The following DYNLL1 variants were observed in gnomAD, a reference collection of about 807,000 sequenced individuals.
DYNLL1 encodes dynein light chain LC8-type 1.
In DYNLL1, 3 loss-of-function variants were observed where a neutral mutation model predicts 10.1. That is an observed-to-expected ratio of 0.30 (90% confidence interval 0.14 to 0.77). The LOEUF (loss-of-function observed/expected upper bound fraction) is 0.77, where lower values mean the gene tolerates loss of function less well. Ranked by LOEUF, DYNLL1 falls within the 30% of genes least tolerant of loss-of-function variation. DYNLL1 has a pLI of 0.66. For missense variants in DYNLL1, 47 were observed against 111.7 expected (o/e 0.42, Z 2.61); for synonymous variants, 46 against 41.2 (o/e 1.12, Z -0.45).
At chr12:120,496,083 T>C (rs1868373114), upstream of DYNLL1, 1 of 414,034 alleles carries the variant, frequency 2.4e-6, no homozygotes, top group South Asian at 2.6e-5. Context: ...GCCTGAGCAC[T>C]AGGCGGCGGC....
upstream of DYNLL1, among the ~76,000 whole-genome samples, chr12:120,494,299 T>TA (rs1446376917): frequency 6.6e-6 from 1 of 151,688 alleles, no homozygotes; most frequent in Non-Finnish European, 1.5e-5. Flanking sequence ...CCTTTTTTTT[T>TA]TTTTTGAGAC....
At chr12:120,485,505 C>T (rs768905205) in intron 1 of DYNLL1, among the ~76,000 whole-genome samples, 62 of 151,546 alleles carry the variant, frequency 4.1e-4, no homozygotes, top group Non-Finnish European at 7.4e-4. Flanking sequence ...CCACCTGCCT[C>T]GGCCTCCCAA....
At chr12:120,480,949 T>G (rs907279907) in intron 1 of DYNLL1, among the ~76,000 whole-genome samples, 1 of 151,926 alleles carries the variant, frequency 6.6e-6, no homozygotes, top group South Asian at 2.1e-4. Context: ...TTAGTAGACA[T>G]GGGGTTTCAC....
At chr12:120,488,366 G>C (rs1031293935) in intron 1 of DYNLL1, among the ~76,000 whole-genome samples, 2 of 152,046 alleles carry the variant, frequency 1.3e-5, no homozygotes, top group East Asian at 3.9e-4. Context: ...CCTCTAATGT[G>C]ACTCCTGGAA....
intron 1 of DYNLL1, among the ~76,000 whole-genome samples, chr12:120,483,067 C>A (rs963846788): frequency 6.6e-6 from 1 of 151,940 alleles, no homozygotes; most frequent in African/African-American, 2.4e-5. Flanking sequence ...AGGCCAGGCA[C>A]GGTGGCTTAC....
chr12:120,485,452 T>C (rs1878972931), intron 1 of DYNLL1, among the ~76,000 whole-genome samples: 1 of 151,104 alleles, frequency 6.6e-6, no homozygotes, highest in Admixed American at 6.6e-5. Context: ...GACAGGGTTT[T>C]AACATCTTGG....
intron 1 of DYNLL1, among the ~76,000 whole-genome samples, chr12:120,484,419 G>A (rs567340974): frequency 3.3e-4 from 50 of 152,206 alleles, no homozygotes; most frequent in African/African-American, 1.1e-3. Context: ...TTTATATATC[G>A]TGACAGGGAA....
At chr12:120,477,704 G>GTTGGAGGC (rs1223428161) in intron 1 of DYNLL1, among the ~76,000 whole-genome samples, 4 of 152,132 alleles carry the variant, frequency 2.6e-5, no homozygotes, top group Admixed American at 6.5e-5. Flanking sequence ...GAGGCCAGGA[G>GTTGGAGGC]TTGGAGGCTG....
At position 120,487,119 on chromosome 12, in the gene DYNLL1, C is replaced by T. The variant is rs534141579; in HGVS notation, c.-6-9297C>T. Among the ~76,000 whole-genome samples, 280 of 151,156 alleles carry T rather than the reference C, an allele frequency of 1.9e-3. 1 individual carries two copies. Among genetic ancestry groups the T allele is most frequent in the Non-Finnish European group, 2.9e-3 (196 of 67,742 alleles). ...CCTCCCTAGTAGCTGGGACTACAGG[C>T]GCCCGCCACCACACCCGGCTAATTT... On this transcript the variant is annotated intron_variant, in intron 1 of 2. Coordinates refer to the DYNLL1 transcript ENST00000392509.
intron 1 of DYNLL1, among the ~76,000 whole-genome samples, chr12:120,470,546 A>C (rs1878624171): frequency 6.6e-6 from 1 of 152,096 alleles, no homozygotes; most frequent in Non-Finnish European, 1.5e-5. Context: ...GGCTCACTGC[A>C]GTCTCGATCT....
At chr12:120,474,446 A>T (rs1878713732) in intron 1 of DYNLL1, among the ~76,000 whole-genome samples, 1 of 151,876 alleles carries the variant, frequency 6.6e-6, no homozygotes, top group Non-Finnish European at 1.5e-5. Flanking sequence ...ACAACATAAA[A>T]AAAAAAAAAA....
upstream of DYNLL1, among the ~76,000 whole-genome samples, chr12:120,494,521 C>A (rs1879218284): frequency 6.6e-6 from 1 of 152,086 alleles, no homozygotes; most frequent in Non-Finnish European, 1.5e-5. Flanking sequence ...GGTCATCCAC[C>A]CGCCTCGGCC....
intron 1 of DYNLL1, among the ~76,000 whole-genome samples, chr12:120,481,927 C>T (rs563932711): frequency 8.1e-4 from 123 of 152,344 alleles, no homozygotes; most frequent in African/African-American, 2.8e-3. Context: ...TAGCCCACGG[C>T]AGCCTCGACC....
intron 2 of DYNLL1, chr12:120,497,022 G>T (rs1868456212): frequency 1.2e-5 from 3 of 244,954 alleles, no homozygotes; most frequent in Admixed American, 9.9e-5. Context: ...AAGCCGGCAG[G>T]ACTGCCAACT....
At chr12:120,488,240 C>T (rs1330643817) in intron 1 of DYNLL1, 1 of 152,396 alleles carries the variant, frequency 6.6e-6, no homozygotes, top group African/African-American at 2.4e-5. Context: ...AACAGCTTCT[C>T]TGGAGCCAAG....
rs781111619 is a variant in DYNLL1, at chr12:120,496,495, C to A, written c.74C>A (p.Ala25Asp). The A allele has an allele frequency of 2.5e-6, 4 of 1,613,720 alleles. No homozygotes were observed. ...EEMQQDSVEC[A>D]TQALEKYNIE... ...ATGCAACAGGACTCGGTGGAGTGCG[C>A]TACTCAGGCGCTGGAGAAATACAAC... The change falls in exon 2 of 3, where the codon GCT (alanine) becomes GAT (aspartate). Residue 25 changes from alanine (A) to aspartate (D), a missense_variant. Coordinates refer to ENST00000242577, the MANE Select transcript of DYNLL1 (RefSeq NM_003746.3).
chr12:120,496,648 A>G (rs1283702120), intron 2 of DYNLL1, 95 bp downstream of exon 2: 1 of 1,607,038 alleles, frequency 6.2e-7, no homozygotes, highest in Non-Finnish European at 8.5e-7. Flanking sequence ...GGTCCCGGGA[A>G]TACTGCTGGC....
At chr12:120,482,911 C>G (rs1267116216) in intron 1 of DYNLL1, among the ~76,000 whole-genome samples, 1 of 151,294 alleles carries the variant, frequency 6.6e-6, no homozygotes, top group African/African-American at 2.4e-5. Flanking sequence ...AGACCTCCAT[C>G]TCTACAAAAA....
At chr12:120,476,113 A>G (rs1689055962) in intron 1 of DYNLL1, among the ~76,000 whole-genome samples, 1 of 138,346 alleles carries the variant, frequency 7.2e-6, no homozygotes, top group African/African-American at 2.5e-5. Flanking sequence ...TGAAAAGATT[A>G]ATAACAGTAC....
Sources: allele counts gnomAD v4.1 joint callset (sites outside exome capture counted in the v4.1 genomes callset), GRCh38; gene constraint gnomAD v4.1.1; transcripts MANE v1.5; gene names NCBI Gene and HGNC (gene_info 2026-07-23, HGNC 2026-07-21).